The following PDE9A variants were observed in gnomAD, a reference collection of about 807,000 sequenced individuals.
PDE9A encodes phosphodiesterase 9A.
Under a neutral mutation model 87.4 loss-of-function variants are expected in PDE9A, and 60 were observed. That is an observed-to-expected ratio of 0.69 (90% CI 0.56 to 0.85). The LOEUF (loss-of-function observed/expected upper bound fraction) is 0.85, where lower values mean the gene tolerates loss of function less well. Among genes scored for constraint, PDE9A ranks in the 40% least tolerant of loss-of-function variants. PDE9A has a pLI of 0.00. For synonymous variants in PDE9A, 272 were observed against 279.4 expected (o/e 0.97, Z 0.27); for missense variants, 665 against 779.0 (o/e 0.85, Z 1.74).
chr21:42,667,965 C>T (rs1040750149), intron 1 of PDE9A, among the ~76,000 whole-genome samples: 7 of 135,892 alleles, frequency 5.2e-5, no homozygotes, highest in South Asian at 4.4e-4. Flanking sequence ...TGGGCGATGC[C>T]GGCTTACCAA....
intron 4 of PDE9A, among the ~76,000 whole-genome samples, chr21:42,712,567 G>A (rs1180140649): frequency 6.6e-6 from 1 of 152,186 alleles, no homozygotes; most frequent in East Asian, 1.9e-4. Context: ...ATAAAAGTGA[G>A]AGCAGACGTC....
At chr21:42,712,068 C>CA (rs60923158) in intron 4 of PDE9A, among the ~76,000 whole-genome samples, 18,923 of 147,014 alleles carry the variant, frequency 0.13, 1,218 homozygotes, top group Middle Eastern at 0.19. Context: ...TTGTCAATTT[C>CA]AAAAAAAAAA....
chr21:42,758,822 C>T (rs2055354737), intron 10 of PDE9A, 177 bp from the exon 11 acceptor site: 1 of 576,180 alleles, frequency 1.7e-6, no homozygotes, highest in African/African-American at 1.9e-5. Flanking sequence ...GTCTGAAGAC[C>T]TCTCTTCCCA....
chr21:42,679,314 C>T lies in PDE9A; in HGVS notation c.70-6878C>T, dbSNP rs146953604. On this transcript the variant is annotated intron_variant, in intron 1 of 19. Transcript: ENST00000291539. Reference sequence around the variant, plus strand: ...GATTTCCACTCGGAACCCTGAGCTGCCTCATCCCTCGCTCCGTCTCCCCTC... The same window carrying T: ...GATTTCCACTCGGAACCCTGAGCTGTCTCATCCCTCGCTCCGTCTCCCCTC... Among the ~76,000 whole-genome samples, 406 of 152,336 alleles carry T rather than the reference C, an allele frequency of 2.7e-3. 2 individuals carry two copies. The highest frequency in any genetic ancestry group is 0.01 in the Middle Eastern group (3 of 294).
chr21:42,773,795 C>A (rs961640231), intron 19 of PDE9A, among the ~76,000 whole-genome samples: 1 of 143,486 alleles, frequency 7.0e-6, no homozygotes, highest in African/African-American at 2.6e-5. Flanking sequence ...AGCGAGACTT[C>A]GTCTCAAAAA....
intron 4 of PDE9A, among the ~76,000 whole-genome samples, chr21:42,716,533 T>C (rs1341303463): frequency 1.3e-5 from 2 of 151,588 alleles, no homozygotes; most frequent in Non-Finnish European, 2.9e-5. Flanking sequence ...CATGTCTTCT[T>C]TGAGGTGTCT....
chr21:42,696,889 C>G lies in PDE9A; in HGVS notation c.219-2079C>G, dbSNP rs1454882963. On this transcript the variant is annotated intron_variant, in intron 3 of 19. Coordinates refer to ENST00000291539, the MANE Select transcript of PDE9A (RefSeq NM_002606.3). The surrounding 1 kb of genome is among the most constrained non-coding windows in gnomAD (Gnocchi z 5.1). ...GATGACGACCGAGTGCCCTCTCCAC[C>G]TGGGGAGCTTGGAGGACTTTGCTCT... is the stretch of plus-strand genomic sequence containing the variant. Among the ~76,000 whole-genome samples, 1 of 152,190 alleles carries G rather than the reference C, an allele frequency of 6.6e-6. No homozygotes were observed. Among genetic ancestry groups the G allele is most frequent in the Non-Finnish European group, 1.5e-5 (1 of 68,042 alleles).
In PDE9A at chr21:42,704,433, AACACAC is replaced by A. The variant is rs34581078; in HGVS notation, c.262+5454_262+5459del. On this transcript the variant is annotated intron_variant, in intron 4 of 19. Transcript: ENST00000291539. This position sits in a 1 kb window ranked among gnomAD's most constrained non-coding sequence, Gnocchi z 5.3. Reference sequence around the variant, plus strand: ...CAGGTAGACCCCCCCCACCCCACCAAACACACACACACACACACACACACACACACA... The same window carrying A: ...CAGGTAGACCCCCCCCACCCCACCAAACACACACACACACACACACACACA... Among the ~76,000 whole-genome samples the A allele has an allele frequency of 6.9e-4, 95 of 137,116 alleles. No individual in the cohort carries two copies. The highest frequency in any genetic ancestry group is 2.2e-3 in the African/African-American group (81 of 36,348). 90.0% of individuals were successfully genotyped at this position (137,116 alleles called of 152,430 possible).
intron 17 of PDE9A, among the ~76,000 whole-genome samples, chr21:42,769,691 C>T (rs28685612): frequency 2.4e-4 from 33 of 137,120 alleles, no homozygotes; most frequent in East Asian, 4.3e-4. Context: ...CAGGCACACA[C>T]ATACACACAT....
At position 42,687,210 on chromosome 21, in the gene PDE9A, G is replaced by A. The variant is rs1449551343; in HGVS notation, c.141-707G>A. Among the ~76,000 whole-genome samples the A allele has an allele frequency of 3.9e-5, 6 of 152,344 alleles. No homozygotes were observed. The East Asian group carries it at 7.7e-4, about 20-fold the overall frequency. ...CAATTGAAGTTTCTCACAGACAGGT[G>A]AGAAAAGGGAGATGAAAGTACACGT... is the stretch of plus-strand genomic sequence containing the variant. On this transcript the variant is annotated intron_variant, in intron 2 of 19. Transcript: ENST00000291539.
intron 1 of PDE9A, 21 bp downstream of exon 1, chr21:42,653,904 A>G: frequency 7.1e-7 from 1 of 1,405,954 alleles, no homozygotes; most frequent in Non-Finnish European, 9.8e-7. Context: ...CCCCACCCAG[A>G]CACCCCCTCC....
chr21:42,692,065 G>C lies in PDE9A; in HGVS notation c.218+4071G>C, dbSNP rs899189250. 1.3e-5 allele frequency among the ~76,000 whole-genome samples: 2 copies of C among 152,214 alleles called. No homozygotes were observed. Among genetic ancestry groups the C allele is most frequent in the Admixed American group, 6.5e-5 (1 of 15,276 alleles). Reference sequence around the variant, plus strand: ...AAGTGATCTCACTTACTTGTTTGAGGTTCTCACTGCTGCTGGCCCCGCTGG... The same window carrying C: ...AAGTGATCTCACTTACTTGTTTGAGCTTCTCACTGCTGCTGGCCCCGCTGG... On this transcript the variant is annotated intron_variant, in intron 3 of 19. Transcript: ENST00000291539. The surrounding 1 kb of genome is among the most constrained non-coding windows in gnomAD (Gnocchi z 4.3).
rs1289006492 is a variant in PDE9A at position 42,758,983 on chromosome 21, TCTC to T, written c.811-13_811-11del. ...CACACAACTGCCCAGTGCCTATCCT[TCTC>T]CTGTGCCCACAGATGCTGAGCTGCC... On this transcript the variant is annotated splice_polypyrimidine_tract_variant and intron_variant, in intron 10 of 19. Coordinates refer to ENST00000291539, the MANE Select transcript of PDE9A (RefSeq NM_002606.3). 1.9e-6 allele frequency: 3 copies of T among 1,607,080 alleles called. No individual in the cohort carries two copies. Among genetic ancestry groups the T allele is most frequent in the East Asian group, 2.2e-5 (1 of 44,842 alleles).
intron 19 of PDE9A, 91 bp from the exon 20 acceptor site, chr21:42,775,189 C>T (rs2057397874): frequency 8.1e-7 from 1 of 1,232,072 alleles, no homozygotes. Context: ...ATCCACCCAC[C>T]TTGGTCTCTC....
chr21:42,706,819 G>A (rs976278037), intron 4 of PDE9A, among the ~76,000 whole-genome samples: 1 of 151,488 alleles, frequency 6.6e-6, no homozygotes, highest in Non-Finnish European at 1.5e-5. Flanking sequence ...CCTGTTCTCT[G>A]TCCTGTGCAT....
chr21:42,673,077 G>A (rs374533939), intron 1 of PDE9A, among the ~76,000 whole-genome samples: 1 of 152,168 alleles, frequency 6.6e-6, no homozygotes, highest in African/African-American at 2.4e-5. Flanking sequence ...AATGTGTAGC[G>A]GGCCCTCTAT....
chr21:42,670,320 TCA>T (rs374288408), intron 1 of PDE9A, among the ~76,000 whole-genome samples: 2,026 of 140,032 alleles, frequency 0.014, 81 homozygotes, highest in African/African-American at 0.053. Flanking sequence ...GACACCACAC[TCA>T]CATTCACACA....
Position 42,692,941 on chromosome 21 carries a change from G to A in PDE9A, c.218+4947G>A, listed in dbSNP as rs955921771. Among the ~76,000 whole-genome samples the A allele has an allele frequency of 3.9e-5, 6 of 152,186 alleles. No homozygotes were observed. Among genetic ancestry groups the A allele is most frequent in the Admixed American group, 1.3e-4 (2 of 15,288 alleles). The stretch of plus-strand genomic sequence containing the variant: ...ACCGTTTCTCTCCCGCCCCCCGGCC[G>A]CATGCTGCAGCCATTCCCTCACCAC... On this transcript the variant is annotated intron_variant, in intron 3 of 19. Coordinates refer to ENST00000291539, the MANE Select transcript of PDE9A (RefSeq NM_002606.3). This position sits in a 1 kb window ranked among gnomAD's most constrained non-coding sequence, Gnocchi z 4.3.
intron 4 of PDE9A, among the ~76,000 whole-genome samples, chr21:42,731,188 C>A (rs1390349982): frequency 6.6e-6 from 1 of 152,198 alleles, no homozygotes; most frequent in Non-Finnish European, 1.5e-5. Flanking sequence ...GAACTCCCGA[C>A]CTCAGGTGAT....
Sources: allele counts gnomAD v4.1 joint callset (sites outside exome capture counted in the v4.1 genomes callset), GRCh38; gene constraint gnomAD v4.1.1; non-coding constraint Gnocchi (gnomAD v3.1); transcripts MANE v1.5; gene names NCBI Gene and HGNC (gene_info 2026-07-23, HGNC 2026-07-21).